CCDC171: variants seen among roughly 807,000 people sequenced by gnomAD.
The protein encoded by CCDC171 is coiled-coil domain containing 171.
Under a neutral mutation model 168.2 loss-of-function variants are expected in CCDC171, and 177 were observed. The ratio of observed to expected loss-of-function variants is 1.05; its 90% CI spans 0.93 to 1.19. The LOEUF (loss-of-function observed/expected upper bound fraction) is 1.19, where lower values mean the gene tolerates loss of function less well. Ranked by LOEUF, CCDC171 falls within the 50% of genes most tolerant of loss-of-function variation. CCDC171 has a pLI of 0.00. For missense variants in CCDC171, 1,991 were observed against 1,539.0 expected, an observed-to-expected ratio of 1.29 and a Z score of -4.91; for synonymous variants, 687 against 540.8, an observed-to-expected ratio of 1.27 and a Z score of -3.75.
intron 7 of CCDC171, among the ~76,000 whole-genome samples, chr9:15,641,223 C>G (rs563782720): frequency 4.9e-4 from 74 of 152,192 alleles, no homozygotes; most frequent in African/African-American, 1.7e-3. Flanking sequence ...CTTTGTGCAA[C>G]TAATGAGGAA....
chr9:15,667,653 A>G (rs896979727), intron 9 of CCDC171, among the ~76,000 whole-genome samples: 3 of 152,196 alleles, frequency 2.0e-5, no homozygotes, highest in Admixed American at 1.3e-4. Flanking sequence ...CTCAAAAAAA[A>G]GAGAAAAGCT....
At chr9:15,971,511 TATA>T in intron 25 of CCDC171, 95 bp from the exon 26 acceptor site, 1 of 692,370 alleles carries the variant, frequency 1.4e-6, no homozygotes, top group East Asian at 2.6e-5. Context: ...ATTTTTATAT[TATA>T]ATGATTATTA....
chr9:15,806,195 A>G (rs571466863), intron 21 of CCDC171, among the ~76,000 whole-genome samples: 1 of 151,918 alleles, frequency 6.6e-6, no homozygotes, highest in South Asian at 2.1e-4. Flanking sequence ...CTAGCTTGCC[A>G]CTCTGTGTCT....
upstream of CCDC171, among the ~76,000 whole-genome samples, chr9:16,040,476 G>A (rs577700618): frequency 6.6e-6 from 1 of 152,320 alleles, no homozygotes; most frequent in South Asian, 2.1e-4. Context: ...GAGAAAGGCA[G>A]GCGGCTGCGA....
chr9:15,628,899 C>T (rs1373555433), intron 7 of CCDC171, among the ~76,000 whole-genome samples: 1 of 152,226 alleles, frequency 6.6e-6, no homozygotes. Flanking sequence ...GCAGCCACCG[C>T]TGCTGGTACC....
At chr9:15,703,628 A>G (rs1292244858) in intron 11 of CCDC171, among the ~76,000 whole-genome samples, 1 of 152,214 alleles carries the variant, frequency 6.6e-6, no homozygotes, top group Non-Finnish European at 1.5e-5. Flanking sequence ...ATGTGTATAT[A>G]TCCCACTTAA....
At chr9:15,779,289 G>A (rs2057525862) in intron 20 of CCDC171, 139 bp downstream of exon 20, 1 of 492,096 alleles carries the variant, frequency 2.0e-6, no homozygotes, top group Non-Finnish European at 3.3e-6. Flanking sequence ...TTTTTCTTCA[G>A]AAAACTTCCT....
intron 18 of CCDC171, among the ~76,000 whole-genome samples, chr9:15,764,699 A>C (rs542647625): frequency 6.6e-6 from 1 of 152,346 alleles, no homozygotes; most frequent in African/African-American, 2.4e-5. Flanking sequence ...TTTGAGAAAA[A>C]TGTCAAGACA....
chr9:15,912,950 T>C (rs1168832349), intron 24 of CCDC171, among the ~76,000 whole-genome samples: 1 of 152,230 alleles, frequency 6.6e-6, no homozygotes, highest in Non-Finnish European at 1.5e-5. Context: ...CAGTATTTTA[T>C]TGAGGATTTT....
At chr9:15,586,765 T>C (rs368276746) in intron 4 of CCDC171, among the ~76,000 whole-genome samples, 2 of 152,234 alleles carry the variant, frequency 1.3e-5, no homozygotes, top group South Asian at 4.2e-4. Flanking sequence ...TGCTGAATAT[T>C]GAGGAGCCAT....
chr9:15,746,590 A>G (rs1156593761), intron 18 of CCDC171, among the ~76,000 whole-genome samples: 1 of 152,236 alleles, frequency 6.6e-6, no homozygotes, highest in African/African-American at 2.4e-5. Context: ...GAGCTTAGAA[A>G]TAGTTTTTAG....
chr9:15,830,615 G>C (rs2060190957), intron 21 of CCDC171, among the ~76,000 whole-genome samples: 1 of 152,130 alleles, frequency 6.6e-6, no homozygotes, highest in African/African-American at 2.4e-5. Context: ...TGCACCCAGA[G>C]TCTTTAACCG....
intron 7 of CCDC171, among the ~76,000 whole-genome samples, chr9:15,654,810 G>T (rs1052715883): frequency 6.6e-6 from 1 of 152,188 alleles, no homozygotes; most frequent in Non-Finnish European, 1.5e-5. Flanking sequence ...GTGCAGGACA[G>T]TGGGTGCAGT....
At chr9:15,930,812 T>A (rs1826421804) in intron 25 of CCDC171, among the ~76,000 whole-genome samples, 1 of 151,734 alleles carries the variant, frequency 6.6e-6, no homozygotes, top group Non-Finnish European at 1.5e-5. Context: ...AAAATTCTTT[T>A]TTAAAAATTA....
chr9:15,962,885 A>G (rs1830479056), intron 25 of CCDC171, among the ~76,000 whole-genome samples: 1 of 151,160 alleles, frequency 6.6e-6, no homozygotes, highest in South Asian at 2.1e-4. Flanking sequence ...TTTAAAATGT[A>G]TATTACTATT....
rs55976539 is a variant in CCDC171, at chr9:15,642,343, G to GTA, written c.823-14744_823-14743dup. ...TATATATATATACACGTGTGTGTGT[G>GTA]TATATATATATATATATATATATAT... On this transcript the variant is annotated intron_variant, in intron 7 of 25. Transcript: ENST00000380701. 5.3e-3 allele frequency among the ~76,000 whole-genome samples: 563 copies of GTA among 106,964 alleles called. 3 individuals carry two copies. Among genetic ancestry groups the GTA allele is most frequent in the African/African-American group, 0.01 (203 of 19,734 alleles). 70.2% of individuals were successfully genotyped at this position (106,964 alleles called of 152,430 possible).
At chr9:15,806,658 CT>C (rs992861519) in intron 21 of CCDC171, among the ~76,000 whole-genome samples, 1 of 151,830 alleles carries the variant, frequency 6.6e-6, no homozygotes, top group South Asian at 2.1e-4. Flanking sequence ...CTTTAACATT[CT>C]TTTTTTTCAT....
intron 18 of CCDC171, among the ~76,000 whole-genome samples, chr9:15,757,447 C>T (rs910003284): frequency 1.3e-5 from 2 of 152,090 alleles, no homozygotes; most frequent in African/African-American, 4.8e-5. Flanking sequence ...TTCTAAGCAG[C>T]AAAAGAGGTG....
At chr9:15,562,598 C>G (rs2992636) in intron 1 of CCDC171, among the ~76,000 whole-genome samples, 2 of 152,148 alleles carry the variant, frequency 1.3e-5, no homozygotes, top group African/African-American at 2.4e-5. Flanking sequence ...CCACACTTCT[C>G]TGCCCAATAT....
Sources: gnomAD v4.1 joint callset for allele counts (sites outside exome capture counted in the v4.1 genomes callset) on GRCh38, gnomAD v4.1.1 for gene constraint, MANE v1.5 for transcripts, NCBI Gene and HGNC (gene_info 2026-07-23, HGNC 2026-07-21) for gene names.